DSCAML1: variants seen among roughly 807,000 people sequenced by gnomAD.
DSCAML1 encodes cell adhesion molecule DSCAML1.
A neutral mutation model predicts 200.5 loss-of-function variants in DSCAML1; 38 were observed. That is an observed-to-expected ratio of 0.19 (90% CI 0.15 to 0.25). The LOEUF is 0.25. Ranked by LOEUF, DSCAML1 falls within the 10% of genes least tolerant of loss-of-function variation. The pLI, the probability that DSCAML1 is intolerant of heterozygous loss-of-function variation, is 1.00. For missense variants in DSCAML1, 2,223 were observed against 2,858.8 expected, an observed-to-expected ratio of 0.78 and a Z score of 5.07; for synonymous variants, 1,215 against 1,165.0, an observed-to-expected ratio of 1.04 and a Z score of -0.87.
rs77741833 is a variant in DSCAML1 at position 117,462,558 on chromosome 11, C to T, written c.3266-962G>A. On this transcript the variant is annotated intron_variant, in intron 17 of 32. Transcript: ENST00000651296. Reference sequence around the variant, plus strand: ...TTAGATCCCGTTGCCCCACAAGAGGCAACTCTAATTTTTATGAGCATTTAA... The same window carrying T: ...TTAGATCCCGTTGCCCCACAAGAGGTAACTCTAATTTTTATGAGCATTTAA... Among the ~76,000 whole-genome samples the T allele has an allele frequency of 2.8e-3, 426 of 152,320 alleles. 2 individuals are homozygous for T. The highest frequency in any genetic ancestry group is 9.6e-3 in the African/African-American group (399 of 41,568).
intron 3 of DSCAML1, among the ~76,000 whole-genome samples, chr11:117,610,063 A>G (rs187919844): frequency 5.9e-5 from 9 of 152,290 alleles, no homozygotes; most frequent in African/African-American, 2.2e-4. Flanking sequence ...CAAACCCAAA[A>G]AAGCAACCTG....
rs145064207 is a variant in DSCAML1 at position 117,775,861 on chromosome 11, C to T, written c.511+930G>A. ...TTATCTTCCCCAACTAAATCATCAA[C>T]CTTGAGGAACAAGAATCATTTCAAA... is the stretch of plus-strand genomic sequence containing the variant. On this transcript the variant is annotated intron_variant, in intron 3 of 32. Transcript: ENST00000651296. Among the ~76,000 whole-genome samples, 80 of 152,234 alleles carry T rather than the reference C, an allele frequency of 5.3e-4. 1 individual carries two copies. Among genetic ancestry groups the T allele is most frequent in the African/African-American group, 1.9e-3 (80 of 41,536 alleles).
intron 11 of DSCAML1, among the ~76,000 whole-genome samples, chr11:117,493,438 T>G (rs1161448225): frequency 6.6e-6 from 1 of 151,316 alleles, no homozygotes; most frequent in East Asian, 1.9e-4. Flanking sequence ...TGCCTCAGCC[T>G]CCTTAGTAGC....
chr11:117,571,183 C>T (rs1341433249), intron 3 of DSCAML1, among the ~76,000 whole-genome samples: 1 of 152,214 alleles, frequency 6.6e-6, no homozygotes, highest in Non-Finnish European at 1.5e-5. Flanking sequence ...GCCTCTAGAA[C>T]AAATGGTTGT....
At chr11:117,563,493 C>T (rs563252006) in intron 3 of DSCAML1, among the ~76,000 whole-genome samples, 2 of 152,276 alleles carry the variant, frequency 1.3e-5, no homozygotes, top group African/African-American at 2.4e-5. Context: ...GAAGGTTCTA[C>T]TTCCACGCTT....
chr11:117,468,933 T>C (rs1420220365), intron 16 of DSCAML1, among the ~76,000 whole-genome samples: 1 of 152,040 alleles, frequency 6.6e-6, no homozygotes. Flanking sequence ...CCGTGGACAA[T>C]TGGTCCCTGA....
chr11:117,501,104 G>A (rs1023817169), intron 11 of DSCAML1, among the ~76,000 whole-genome samples: 5 of 152,140 alleles, frequency 3.3e-5, no homozygotes, highest in African/African-American at 9.7e-5. Context: ...ACCAGGTCCC[G>A]AAGGTTCTAC....
At chr11:117,729,517 G>A (rs1313588936) in intron 3 of DSCAML1, among the ~76,000 whole-genome samples, 1 of 152,188 alleles carries the variant, frequency 6.6e-6, no homozygotes, top group African/African-American at 2.4e-5. Flanking sequence ...TATTTGTAGA[G>A]CATATATCTG....
intron 17 of DSCAML1, 100 bp downstream of exon 17, chr11:117,464,842 G>T: frequency 6.5e-7 from 1 of 1,529,170 alleles, no homozygotes; most frequent in Non-Finnish European, 8.8e-7. Context: ...ACCAAAATGG[G>T]GCCCAGGGGC....
intron 3 of DSCAML1, among the ~76,000 whole-genome samples, chr11:117,737,893 G>A (rs1474858413): frequency 6.6e-6 from 1 of 152,206 alleles, no homozygotes; most frequent in East Asian, 1.9e-4. Context: ...GTGTGGTTGT[G>A]ACAGCGAGTG....
In DSCAML1 at chr11:117,493,260, G is replaced by T. The variant is rs555315564; in HGVS notation, c.2359+10585C>A. ...TCCTTGCTAAAGAGTAGACGCGCAGGACGGGGAGTGTTCTCAAATGAAGAT... is the reference window on the plus strand; with the variant it reads ...TCCTTGCTAAAGAGTAGACGCGCAGTACGGGGAGTGTTCTCAAATGAAGAT... On this transcript the variant is annotated intron_variant, in intron 11 of 32. Transcript: ENST00000651296. Among the ~76,000 whole-genome samples the T allele has an allele frequency of 2.0e-4, 30 of 152,134 alleles. 1 individual carries two copies. The South Asian group carries it at 5.4e-3, about 28-fold the overall frequency.
intron 3 of DSCAML1, among the ~76,000 whole-genome samples, chr11:117,614,940 C>G (rs2051779904): frequency 6.6e-6 from 1 of 152,196 alleles, no homozygotes; most frequent in African/African-American, 2.4e-5. Context: ...TGCAGACAAG[C>G]CCAGGGCAGG....
At chr11:117,449,943 C>T (rs1231098685) in intron 20 of DSCAML1, among the ~76,000 whole-genome samples, 1 of 152,316 alleles carries the variant, frequency 6.6e-6, no homozygotes, top group Middle Eastern at 3.4e-3. Flanking sequence ...AGTGGAAGGG[C>T]GGCTAGCCCC....
At position 117,437,044 on chromosome 11, in the gene DSCAML1, G is replaced by A. The variant is rs2047931790; in HGVS notation, c.4720+78C>T. 6.6e-7 allele frequency: 1 copy of A among 1,519,036 alleles called. No homozygotes were observed. Among genetic ancestry groups the A allele is most frequent in the Non-Finnish European group, 8.9e-7 (1 of 1,128,316 alleles). 94.1% of individuals were successfully genotyped at this position (1,519,036 alleles called of 1,614,324 possible). ...TTTTTCTATTAGTCTGTCTCTTTAT[G>A]TATCTGCCACTCTGCCCACTTCCTT... On this transcript the variant is annotated intron_variant, in intron 26 of 32. Transcript: ENST00000651296. This position sits in a 1 kb window ranked among gnomAD's most constrained non-coding sequence, Gnocchi z 5.3.
chr11:117,660,092 T>C (rs2052813925), intron 3 of DSCAML1, among the ~76,000 whole-genome samples: 1 of 152,158 alleles, frequency 6.6e-6, no homozygotes, highest in African/African-American at 2.4e-5. Context: ...TCCTTTCCAT[T>C]TCTTCCTCTC....
chr11:117,673,755 G>T (rs1555197161), intron 3 of DSCAML1, among the ~76,000 whole-genome samples: 1 of 152,230 alleles, frequency 6.6e-6, no homozygotes, highest in South Asian at 2.1e-4. Flanking sequence ...GGCTCACGCT[G>T]TTGGTTGGCC....
intron 3 of DSCAML1, among the ~76,000 whole-genome samples, chr11:117,571,347 C>A (rs2050844988): frequency 6.6e-6 from 1 of 152,212 alleles, no homozygotes; most frequent in South Asian, 2.1e-4. Flanking sequence ...GTGCCCATTT[C>A]ACAGAGGAGG....
intron 3 of DSCAML1, among the ~76,000 whole-genome samples, chr11:117,550,879 G>A (rs1396091936): frequency 2.0e-5 from 3 of 152,136 alleles, no homozygotes; most frequent in Non-Finnish European, 4.4e-5. Flanking sequence ...TAACTCCTCC[G>A]GGCACTGGCC....
At position 117,731,732 on chromosome 11, in the gene DSCAML1, G is replaced by A. The variant is rs1030066424; in HGVS notation, c.511+45059C>T. On this transcript the variant is annotated intron_variant, in intron 3 of 32. Coordinates refer to ENST00000651296, the MANE Select transcript of DSCAML1 (RefSeq NM_020693.4). ...ATGTCTCTTTCACCATAGCTTTTAA[G>A]TTCCTTTAGAGCAGAAAACACCTCT... Among the ~76,000 whole-genome samples the A allele has an allele frequency of 2.0e-5, 3 of 152,258 alleles. No homozygotes were observed. In the South Asian group the frequency reaches 6.2e-4, roughly 32 times the overall value.
Sources: allele counts gnomAD v4.1 joint callset (sites outside exome capture counted in the v4.1 genomes callset), GRCh38; gene constraint gnomAD v4.1.1; non-coding constraint Gnocchi (gnomAD v3.1); transcripts MANE v1.5; gene names NCBI Gene and HGNC (gene_info 2026-07-23, HGNC 2026-07-21).